The following COL22A1 variants were observed in gnomAD, a reference collection of about 807,000 sequenced individuals.
The protein encoded by COL22A1 is collagen alpha-1(XXII) chain.
COL22A1 carries 221 observed loss-of-function variants against 248.9 expected under a neutral mutation model. The observed-to-expected ratio is 0.89, with a 90% CI of 0.80 to 0.99. COL22A1 has a LOEUF of 0.99. COL22A1 is among the 50% of genes least tolerant of loss of function. The probability of loss-of-function intolerance (pLI) is 0.00; values close to 1 mark genes in which losing one functional copy is unlikely to be tolerated. For missense variants in COL22A1, 2,240 were observed against 2,179.0 expected (o/e 1.03, Z -0.56); for synonymous variants, 891 against 793.4 (o/e 1.12, Z -2.07).
In COL22A1 at chr8:138,594,163, G is replaced by T. The variant is rs138310793; in HGVS notation, c.4469C>A (p.Ala1490Glu). Residue 1490 changes from alanine to glutamate, a missense_variant, in exon 63 of 65, where the codon GCG (alanine) becomes GAG (glutamate). By Grantham distance (107) the Ala-to-Glu change is moderately radical. Coordinates refer to ENST00000303045, the MANE Select transcript of COL22A1 (RefSeq NM_152888.3). ...TCTGCCTTGAGATGACTTCATGTAC[G>T]CCGGGGGCATCTGGGCCAGGAGGTA... Reference protein sequence around the residue: ...LAYLLAQMPPAYMKSSQGRPG... With the variant: ...LAYLLAQMPPEYMKSSQGRPG... The T allele has an allele frequency of 1.9e-6, 3 of 1,572,552 alleles. No homozygotes were observed. The South Asian group carries it at 3.5e-5, about 18-fold the overall frequency.
At chr8:138,800,873 T>C (rs917301227) in intron 11 of COL22A1, among the ~76,000 whole-genome samples, 3 of 152,160 alleles carry the variant, frequency 2.0e-5, no homozygotes, top group Non-Finnish European at 2.9e-5. Context: ...GACCTGGCAT[T>C]TCCTACACCT....
chr8:138,688,670 C>A (rs568387684), intron 37 of COL22A1, among the ~76,000 whole-genome samples: 1 of 152,098 alleles, frequency 6.6e-6, no homozygotes, highest in Non-Finnish European at 1.5e-5. Context: ...AGACACAGAG[C>A]AAACTAATTA....
At chr8:138,798,796 C>T (rs1474123829) in intron 11 of COL22A1, among the ~76,000 whole-genome samples, 4 of 151,976 alleles carry the variant, frequency 2.6e-5, no homozygotes, top group Non-Finnish European at 5.9e-5. Context: ...GGCATTTTTA[C>T]TATAATGTTT....
intron 41 of COL22A1, among the ~76,000 whole-genome samples, chr8:138,673,348 TA>T (rs1180519437): frequency 6.6e-6 from 1 of 152,058 alleles, no homozygotes; most frequent in Non-Finnish European, 1.5e-5. Context: ...TAGCTGAGAT[TA>T]CAGGCATGCG....
At chr8:138,620,972 T>A (rs920441431) in intron 52 of COL22A1, among the ~76,000 whole-genome samples, 1 of 111,332 alleles carries the variant, frequency 9.0e-6, no homozygotes, top group Non-Finnish European at 2.1e-5. Context: ...CATCCATCCA[T>A]CCATCCATCC....
chr8:138,594,391 C>A (rs186880766), intron 62 of COL22A1, among the ~76,000 whole-genome samples, 192 bp from the exon 63 acceptor site: 1 of 152,066 alleles, frequency 6.6e-6, no homozygotes, highest in Non-Finnish European at 1.5e-5. Flanking sequence ...ATCAATGACA[C>A]GTCACATGAC....
At chr8:138,703,668 G>A (rs1402110179) in intron 30 of COL22A1, among the ~76,000 whole-genome samples, 3 of 152,158 alleles carry the variant, frequency 2.0e-5, no homozygotes, top group Non-Finnish European at 4.4e-5. Context: ...GGGGATCCAA[G>A]GTGGCTGAAT....
chr8:138,614,478 T>C (rs1211912950), intron 55 of COL22A1, among the ~76,000 whole-genome samples: 1 of 152,162 alleles, frequency 6.6e-6, no homozygotes, highest in African/African-American at 2.4e-5. Flanking sequence ...AAAAACACTC[T>C]AGAAAATGGA....
chr8:138,661,508 G>T (rs1823956464), intron 43 of COL22A1, among the ~76,000 whole-genome samples: 2 of 152,212 alleles, frequency 1.3e-5, no homozygotes, highest in African/African-American at 2.4e-5. Flanking sequence ...CCATGAGGAT[G>T]CATAAGACAC....
intron 23 of COL22A1, among the ~76,000 whole-genome samples, chr8:138,734,541 C>T (rs1830964639): frequency 6.6e-6 from 1 of 152,148 alleles, no homozygotes; most frequent in African/African-American, 2.4e-5. Context: ...CAGGCTCTGG[C>T]CGTGGAGAAA....
intron 16 of COL22A1, 133 bp downstream of exon 16, chr8:138,775,833 T>G: frequency 1.1e-6 from 1 of 882,478 alleles, no homozygotes; most frequent in Non-Finnish European, 1.9e-6. Context: ...AATATACATG[T>G]ACACACATGT....
At chr8:138,789,485 TAGAGGCAAATGGCGTCA>T (rs1252380063) in intron 12 of COL22A1, among the ~76,000 whole-genome samples, 1 of 152,318 alleles carries the variant, frequency 6.6e-6, no homozygotes. Flanking sequence ...GACCCAGAGC[TAGAGGCAAATGGCGTCA>T]ATATATCTAT....
intron 4 of COL22A1, among the ~76,000 whole-genome samples, chr8:138,838,151 T>C (rs866474043): frequency 1.3e-5 from 2 of 152,284 alleles, no homozygotes; most frequent in South Asian, 4.2e-4. Context: ...GTTCCACGGC[T>C]TTGGGGCAAT....
rs146026541 is a variant in COL22A1, at chr8:138,665,003, C to T, written c.3151-1263G>A. Among the ~76,000 whole-genome samples the T allele has an allele frequency of 2.9e-3, 436 of 152,180 alleles. 2 individuals are homozygous for T. Among genetic ancestry groups the T allele is most frequent in the Non-Finnish European group, 7.2e-4 (49 of 68,008 alleles). On this transcript the variant is annotated intron_variant, in intron 41 of 64. Transcript: ENST00000303045. ...CACGAGAATGTCCCTAAGGCATTCC[C>T]GAGAGAGCAAAATGATTTCACACCA... is the stretch of plus-strand genomic sequence containing the variant.
intron 63 of COL22A1, among the ~76,000 whole-genome samples, chr8:138,592,683 C>A (rs1218262005): frequency 1.3e-5 from 2 of 152,138 alleles, no homozygotes; most frequent in African/African-American, 4.8e-5. Flanking sequence ...CACTCCAGAG[C>A]AGCTAAAATG....
intron 64 of COL22A1, among the ~76,000 whole-genome samples, chr8:138,590,072 C>T (rs1362133048): frequency 6.6e-6 from 1 of 152,020 alleles, no homozygotes; most frequent in Non-Finnish European, 1.5e-5. Flanking sequence ...TGCCTATAGA[C>T]AAACTTCTAT....
In COL22A1 at chr8:138,724,642, C is replaced by A; in HGVS notation, c.2220G>T (p.Pro740=). ...TGGGCCCAGGAGGTCCAGGCTTTCC[C>A]GGGAAGCCGATCTCTCCAGGCAAAC... The part of the protein sequence containing the change: ...SPGLPGEIGF[P]GKPGPPGPTG... Residue 740 remains proline, a synonymous_variant, in exon 25 of 65, where the codon CCG becomes CCT. Transcript: ENST00000303045. 1.2e-6 allele frequency: 2 copies of A among 1,614,158 alleles called. No homozygotes were observed. Among genetic ancestry groups the A allele is most frequent in the Non-Finnish European group, 1.7e-6 (2 of 1,180,008 alleles).
At chr8:138,804,432 G>A (rs1384601546) in intron 10 of COL22A1, among the ~76,000 whole-genome samples, 2 of 152,198 alleles carry the variant, frequency 1.3e-5, no homozygotes, top group Non-Finnish European at 2.9e-5. Flanking sequence ...CCCAGGGCCT[G>A]CTCTGCTCAA....
At chr8:138,797,977 CTG>C (rs1167387512) in intron 11 of COL22A1, among the ~76,000 whole-genome samples, 2 of 139,292 alleles carry the variant, frequency 1.4e-5, no homozygotes, top group African/African-American at 5.4e-5. Flanking sequence ...CCCCAGTTTT[CTG>C]TTTTTTATTT....
Sources: gnomAD v4.1 joint callset for allele counts (sites outside exome capture counted in the v4.1 genomes callset) on GRCh38, gnomAD v4.1.1 for gene constraint, MANE v1.5 for transcripts, NCBI Gene and HGNC (gene_info 2026-07-23, HGNC 2026-07-21) for gene names.